NUP153: variants seen among roughly 807,000 people sequenced by gnomAD.
NUP153 encodes the protein nuclear pore complex protein Nup153.
In NUP153, 27 loss-of-function variants were observed where a neutral mutation model predicts 134.6. That is an observed-to-expected ratio of 0.20 (90% CI 0.15 to 0.28). The LOEUF (loss-of-function observed/expected upper bound fraction) is 0.28. Ranked by LOEUF, NUP153 falls within the 10% of genes least tolerant of loss-of-function variation. NUP153 has a pLI of 1.00. For synonymous variants in NUP153, 640 were observed against 623.5 expected, an observed-to-expected ratio of 1.03 and a Z score of -0.40; for missense variants, 1,821 against 1,731.3, an observed-to-expected ratio of 1.05 and a Z score of -0.92.
rs560140881 is a variant in NUP153, at chr6:17,630,444, G to C, written c.2660-905C>G. ...GGAGGCCAAGGCGGGCAGATCACCC[G>C]AGGTCAGGAGTTCAAGACCAGCCTG... is the stretch of plus-strand genomic sequence containing the variant. On this transcript the variant is annotated intron_variant, in intron 17 of 21. Coordinates refer to ENST00000262077, the MANE Select transcript of NUP153 (RefSeq NM_005124.4). 2.4e-4 allele frequency among the ~76,000 whole-genome samples: 37 copies of C among 152,226 alleles called. 1 individual carries two copies. The South Asian group carries it at 7.7e-3, about 32-fold the overall frequency.
At chr6:17,678,158 C>T (rs1204733788) in intron 2 of NUP153, among the ~76,000 whole-genome samples, 2 of 151,906 alleles carry the variant, frequency 1.3e-5, no homozygotes, top group African/African-American at 4.8e-5. Flanking sequence ...GAGTTCAAGA[C>T]CAGACTGGCC....
chr6:17,665,219 A>G lies in NUP153; in HGVS notation c.1215+20T>C. ...TTCTAATCAATATTCAAAGACTGGT[A>G]GAAATATACATATACTCACACTGCA... On this transcript the variant is annotated intron_variant, in intron 9 of 21. Transcript: ENST00000262077. 2 of 1,562,048 alleles carry G rather than the reference A, an allele frequency of 1.3e-6. No homozygotes were observed. The highest frequency in any genetic ancestry group is 1.1e-5 in the South Asian group (1 of 89,012).
chr6:17,706,281 T>C lies in NUP153; in HGVS notation c.107A>G (p.His36Arg), dbSNP rs147233505. 27 of 1,612,378 alleles carry C rather than the reference T, an allele frequency of 1.7e-5. No homozygotes were observed. In the African/African-American group the frequency reaches 3.2e-4, roughly 19 times the overall value. Residue 36 changes from histidine to arginine, a missense_variant, in exon 1 of 22, where the codon CAT becomes CGT. His to Arg is a conservative substitution (Grantham distance 29, BLOSUM62 0). Transcript: ENST00000262077. The surrounding 1 kb of genome is among the most constrained non-coding windows in gnomAD (Gnocchi z 5.9). Reference sequence around the variant, plus strand: ...CGCGGCGTCGGGGTCCCATACCTGATGCTGTTGTCGCCCCTGCTGGTAAGG... The same window carrying C: ...CGCGGCGTCGGGGTCCCATACCTGACGCTGTTGTCGCCCCTGCTGGTAAGG... ...IKPYQQGRQQ[H>R]QGILSRVTES...
intron 11 of NUP153, chr6:17,651,917 G>T: frequency 1.6e-6 from 1 of 639,740 alleles, no homozygotes; most frequent in Middle Eastern, 2.5e-4. Context: ...AATACGGTGA[G>T]ACCTTGTCTC....
At position 17,629,265 on chromosome 6, in the gene NUP153, ATTC is replaced by A; in HGVS notation, c.2931_2933del (p.Lys977del). On this transcript the variant is annotated inframe_deletion, in exon 18 of 22. Transcript: ENST00000262077. ...AAGAAAGTCCAAACTTAAAATTATC[ATTC>A]TTACTATCTTTTTTAACTTCTTCGG... is the stretch of plus-strand genomic sequence containing the variant. 1 of 1,612,074 alleles carries A rather than the reference ATTC, an allele frequency of 6.2e-7. No individual in the cohort carries two copies. The highest frequency in any genetic ancestry group is 1.1e-5 in the South Asian group (1 of 90,468).
At position 17,639,960 on chromosome 6, in the gene NUP153, G is replaced by C. The variant is rs1354219289; in HGVS notation, c.1825C>G (p.Leu609Val). 2 of 1,610,458 alleles carry C rather than the reference G, an allele frequency of 1.2e-6. No individual in the cohort carries two copies. The highest frequency in any genetic ancestry group is 1.7e-6 in the Non-Finnish European group (2 of 1,178,782). Residue 609 changes from leucine to valine, a missense_variant, in exon 15 of 22, where the codon CTA becomes GTA. Transcript: ENST00000262077. ...PAEILKEGSV[L>V]DILKSPGFAS... ...TTACCAGGGCTTTTCAGAATATCTAGAACACTTCCTTCTTTCAGGATTTCT... is the reference window on the plus strand; with the variant it reads ...TTACCAGGGCTTTTCAGAATATCTACAACACTTCCTTCTTTCAGGATTTCT...
intron 21 of NUP153, 126 bp downstream of exon 21, chr6:17,616,401 A>C (rs1372396783): frequency 5.5e-6 from 5 of 902,988 alleles, no homozygotes; most frequent in Non-Finnish European, 8.3e-6. Flanking sequence ...TGGTAAATTT[A>C]TGTTGGAGAA....
rs1340174892 is a variant in NUP153 at position 17,665,212 on chromosome 6, G to C, written c.1215+27C>G. ...TTACTTATTCTAATCAATATTCAAA[G>C]ACTGGTAGAAATATACATATACTCA... On this transcript the variant is annotated intron_variant, in intron 9 of 21. Transcript: ENST00000262077. The C allele has an allele frequency of 1.9e-6, 3 of 1,539,854 alleles. No individual in the cohort carries two copies. In the East Asian group the frequency reaches 6.8e-5, roughly 35 times the overall value.
At chr6:17,694,013 CT>C (rs1331596501) in intron 1 of NUP153, among the ~76,000 whole-genome samples, 19 of 152,274 alleles carry the variant, frequency 1.2e-4, no homozygotes, top group Admixed American at 2.0e-4. Flanking sequence ...TTTATTAAAA[CT>C]TTTTTTCTAT....
Position 17,630,231 on chromosome 6 carries a change from G to A in NUP153, c.2660-692C>T, listed in dbSNP as rs553328317. ...AGGGAAGGTGGAAAAAGAGACAATGGAGAGAAGAGATTGAACCTTGTCACA... is the reference window on the plus strand; with the variant it reads ...AGGGAAGGTGGAAAAAGAGACAATGAAGAGAAGAGATTGAACCTTGTCACA... On this transcript the variant is annotated intron_variant, in intron 17 of 21. Coordinates refer to ENST00000262077, the MANE Select transcript of NUP153 (RefSeq NM_005124.4). 2.6e-5 allele frequency among the ~76,000 whole-genome samples: 4 copies of A among 152,304 alleles called. No individual in the cohort carries two copies. In the South Asian group the frequency reaches 8.3e-4, roughly 32 times the overall value.
At chr6:17,670,880 G>A (rs548014317) in intron 5 of NUP153, among the ~76,000 whole-genome samples, 5 of 151,798 alleles carry the variant, frequency 3.3e-5, no homozygotes, top group South Asian at 2.1e-4. Flanking sequence ...GCACAATCTC[G>A]GCTCACTGCA....
intron 18 of NUP153, among the ~76,000 whole-genome samples, chr6:17,626,714 A>G (rs938820892): frequency 9.9e-5 from 15 of 152,168 alleles, no homozygotes; most frequent in African/African-American, 3.1e-4. Context: ...ACTTTATACC[A>G]TGGACTGATA....
chr6:17,670,031 G>A (rs964010717), intron 5 of NUP153, among the ~76,000 whole-genome samples: 2 of 148,668 alleles, frequency 1.3e-5, no homozygotes, highest in South Asian at 4.3e-4. Flanking sequence ...AGGAGGCGGA[G>A]GTTGTGGTGA....
At chr6:17,662,219 C>T (rs1439106835) in intron 9 of NUP153, 149 bp from the exon 10 acceptor site, 1 of 671,212 alleles carries the variant, frequency 1.5e-6, no homozygotes, top group African/African-American at 1.8e-5. Flanking sequence ...TACACCCTGC[C>T]TTCTGAATGG....
At chr6:17,681,211 TA>T (rs57471679) in intron 2 of NUP153, among the ~76,000 whole-genome samples, 41,247 of 146,278 alleles carry the variant, frequency 0.28, 5,651 homozygotes, top group East Asian at 0.33. Context: ...GTGACAGCTT[TA>T]AAAAAAAAAA....
chr6:17,705,764 G>A (rs894819379), intron 1 of NUP153, among the ~76,000 whole-genome samples: 5 of 152,060 alleles, frequency 3.3e-5, no homozygotes, highest in Non-Finnish European at 5.9e-5. Context: ...CTGAGACTAA[G>A]TTATTCCACT....
intron 17 of NUP153, among the ~76,000 whole-genome samples, chr6:17,632,245 G>A (rs191691247): frequency 4.6e-5 from 7 of 152,230 alleles, no homozygotes; most frequent in East Asian, 1.9e-4. Context: ...AGATTGCAGT[G>A]AGCAGAGATC....
At chr6:17,648,044 A>C in intron 12 of NUP153, 139 bp from the exon 13 acceptor site, 2 of 621,202 alleles carry the variant, frequency 3.2e-6, no homozygotes, top group East Asian at 5.5e-5. Context: ...CTCACTTTAA[A>C]TTCTGAAAAA....
rs754181279 is a variant in NUP153 at position 17,688,532 on chromosome 6, G to A, written c.198C>T (p.Cys66=). Residue 66 remains cysteine, a synonymous_variant, in exon 2 of 22, where the codon TGC becomes TGT. Transcript: ENST00000262077. The stretch of plus-strand genomic sequence containing the variant: ...CCTCGCTTGTGTCTGTTGAACAGCT[G>A]CATACATCTTCATTCTTGTTGAAGT... ...QRYFNKNEDV[C]SCSTDTSEVP... 6.2e-7 allele frequency: 1 copy of A among 1,614,000 alleles called. No individual in the cohort carries two copies. Among genetic ancestry groups the A allele is most frequent in the Admixed American group, 1.7e-5 (1 of 60,014 alleles).
Sources: gnomAD v4.1 joint callset for allele counts (sites outside exome capture counted in the v4.1 genomes callset) on GRCh38, gnomAD v4.1.1 for gene constraint, Gnocchi (gnomAD v3.1) non-coding constraint, MANE v1.5 for transcripts, NCBI Gene and HGNC (gene_info 2026-07-23, HGNC 2026-07-21) for gene names.